Variants in RABGAP1L observed in about 807,000 individuals in gnomAD.
RABGAP1L encodes rab GTPase-activating protein 1-like.
A neutral mutation model predicts 137.7 loss-of-function variants in RABGAP1L; 63 were observed. The ratio of observed to expected loss-of-function variants is 0.46; its 90% CI spans 0.37 to 0.56. The LOEUF is 0.56. Among genes scored for constraint, RABGAP1L ranks in the 20% least tolerant of loss-of-function variants. The probability of loss-of-function intolerance (pLI) is 0.00; values close to 1 mark genes in which losing one functional copy is unlikely to be tolerated. For synonymous variants in RABGAP1L, 431 were observed against 433.7 expected (o/e 0.99, Z 0.08); for missense variants, 1,095 against 1,244.0 (o/e 0.88, Z 1.80).
At chr1:174,783,200 G>A (rs1456748045) in intron 18 of RABGAP1L, among the ~76,000 whole-genome samples, 3 of 152,118 alleles carry the variant, frequency 2.0e-5, no homozygotes, top group Admixed American at 6.5e-5. Flanking sequence ...CTAAAGGCTC[G>A]CCATTGTTCC....
At chr1:174,651,493 G>A (rs1363475276) in intron 14 of RABGAP1L, among the ~76,000 whole-genome samples, 3 of 152,124 alleles carry the variant, frequency 2.0e-5, no homozygotes, top group African/African-American at 7.2e-5. Context: ...GGTCACTCAG[G>A]ACTTGCTTTA....
At chr1:174,333,276 T>G (rs1375241392) in intron 11 of RABGAP1L, among the ~76,000 whole-genome samples, 10 of 152,310 alleles carry the variant, frequency 6.6e-5, no homozygotes, top group Non-Finnish European at 1.5e-5. Context: ...TGTAGCTAAC[T>G]GTAACGCATC....
intron 13 of RABGAP1L, among the ~76,000 whole-genome samples, chr1:174,603,688 C>A (rs1347821376): frequency 6.6e-6 from 1 of 151,990 alleles, no homozygotes; most frequent in Non-Finnish European, 1.5e-5. Context: ...GCCAGCACAG[C>A]ACTAGTTCTC....
At chr1:174,750,882 T>C (rs1439798223) in intron 17 of RABGAP1L, among the ~76,000 whole-genome samples, 3 of 152,184 alleles carry the variant, frequency 2.0e-5, no homozygotes, top group African/African-American at 7.2e-5. Context: ...TAGGTCTTTT[T>C]TATATTGGCC....
intron 11 of RABGAP1L, among the ~76,000 whole-genome samples, chr1:174,349,871 A>G (rs1571343816): frequency 1.0e-5 from 1 of 96,856 alleles, no homozygotes; most frequent in Non-Finnish European, 2.1e-5. Context: ...TGACCCCCCC[A>G]CCTCCCTCCT....
At chr1:174,741,854 A>AC (rs1491544219) in intron 17 of RABGAP1L, among the ~76,000 whole-genome samples, 2 of 93,572 alleles carry the variant, frequency 2.1e-5, no homozygotes, top group African/African-American at 7.9e-5. Flanking sequence ...GCCTATTTCT[A>AC]CAAAAAAAAA....
rs1012787154 is a variant in RABGAP1L, at chr1:174,328,024, T to C, written c.1465+22897T>C. Reference sequence around the variant, plus strand: ...ATATATATATATATATATATATATATACCCAACATCAGAGCACTTAAATAT... The same window carrying C: ...ATATATATATATATATATATATATACACCCAACATCAGAGCACTTAAATAT... On this transcript the variant is annotated intron_variant, in intron 11 of 25. Transcript: ENST00000681986. 1.4e-3 allele frequency among the ~76,000 whole-genome samples: 164 copies of C among 119,492 alleles called. 2 individuals carry two copies. Among genetic ancestry groups the C allele is most frequent in the African/African-American group, 3.6e-3 (119 of 32,736 alleles). The allele number at this position is 119,492 out of a possible 152,430, so 78.4% of individuals were successfully genotyped here. A position where few individuals can be genotyped will look rare whatever the true frequency, so the allele number is the denominator to read the frequency against.
At chr1:174,945,471 A>T (rs1666585111) in intron 19 of RABGAP1L, 1 of 152,234 alleles carries the variant, frequency 6.6e-6, no homozygotes, top group Non-Finnish European at 1.5e-5. Context: ...TGCAAAGAGG[A>T]AAAGAATCAG....
intron 19 of RABGAP1L, among the ~76,000 whole-genome samples, chr1:174,880,374 G>A (rs1653976888): frequency 6.6e-6 from 1 of 151,864 alleles, no homozygotes; most frequent in African/African-American, 2.4e-5. Context: ...ACTCATGCCT[G>A]TAATCTCAAC....
At chr1:174,635,907 C>T (rs1398293115) in intron 13 of RABGAP1L, among the ~76,000 whole-genome samples, 1 of 152,132 alleles carries the variant, frequency 6.6e-6, no homozygotes, top group Non-Finnish European at 1.5e-5. Flanking sequence ...AGAAAAATGG[C>T]ATTCATTAAA....
chr1:174,317,355 C>T (rs1337119362), intron 11 of RABGAP1L, among the ~76,000 whole-genome samples: 1 of 152,070 alleles, frequency 6.6e-6, no homozygotes, highest in Non-Finnish European at 1.5e-5. Flanking sequence ...CTTCAGATAG[C>T]AGGTGATGAA....
intron 19 of RABGAP1L, among the ~76,000 whole-genome samples, chr1:174,871,150 TTTTG>T (rs150911929): frequency 0.043 from 6,465 of 151,928 alleles, 424 homozygotes; most frequent in African/African-American, 0.14. Flanking sequence ...ATGTTGAGTT[TTTTG>T]TTTGTTTGTT....
At chr1:174,547,269 G>A (rs990303594) in intron 13 of RABGAP1L, among the ~76,000 whole-genome samples, 6 of 152,072 alleles carry the variant, frequency 3.9e-5, no homozygotes, top group African/African-American at 7.2e-5. Flanking sequence ...TAGCAGACCA[G>A]TTCTCAGTGA....
intron 19 of RABGAP1L, among the ~76,000 whole-genome samples, chr1:174,938,954 G>A (rs1450268401): frequency 6.6e-6 from 1 of 152,166 alleles, no homozygotes; most frequent in Non-Finnish European, 1.5e-5. Context: ...AATCGTTTAT[G>A]TGTAAACTGC....
At chr1:174,801,878 A>G (rs1302270686) in intron 18 of RABGAP1L, among the ~76,000 whole-genome samples, 1 of 152,210 alleles carries the variant, frequency 6.6e-6, no homozygotes, top group Non-Finnish European at 1.5e-5. Flanking sequence ...AATTCTCTAC[A>G]TCTCTGAGGA....
At chr1:174,668,900 C>T (rs1676975036) in intron 14 of RABGAP1L, among the ~76,000 whole-genome samples, 1 of 152,046 alleles carries the variant, frequency 6.6e-6, no homozygotes, top group African/African-American at 2.4e-5. Flanking sequence ...ATTTGTACGT[C>T]TTCTTTTAAG....
At position 174,665,384 on chromosome 1, in the gene RABGAP1L, CCTTT is replaced by C. The variant is rs368828201; in HGVS notation, c.1825-18125_1825-18122del. On this transcript the variant is annotated intron_variant, in intron 14 of 25. Coordinates refer to ENST00000681986, the MANE Select transcript of RABGAP1L (RefSeq NM_001366446.1). ...TTCCTTCTTCCTTTTCTTTTCCTTTCCTTTCTTTCTTTCTTTTCTTTTCCTTTCT... is the reference window on the plus strand; with the variant it reads ...TTCCTTCTTCCTTTTCTTTTCCTTTCCTTTCTTTCTTTTCTTTTCCTTTCT... Among the ~76,000 whole-genome samples the C allele has an allele frequency of 2.9e-3, 435 of 151,758 alleles. 4 individuals are homozygous for C. The highest frequency in any genetic ancestry group is 9.9e-3 in the African/African-American group (411 of 41,340).
chr1:174,759,307 A>T (rs1188499134), intron 18 of RABGAP1L, among the ~76,000 whole-genome samples: 1 of 147,948 alleles, frequency 6.8e-6, no homozygotes, highest in Non-Finnish European at 1.5e-5. Flanking sequence ...AAAAAAAAGA[A>T]GTTTCAGCCA....
chr1:174,393,568 A>ATGTGTG, intron 12 of RABGAP1L, among the ~76,000 whole-genome samples: 1 of 152,298 alleles, frequency 6.6e-6, no homozygotes, highest in Non-Finnish European at 1.5e-5. Context: ...TGATAGGCCT[A>ATGTGTG]TGATCCGTTT....
Sources: gnomAD v4.1 joint callset for allele counts (sites outside exome capture counted in the v4.1 genomes callset) on GRCh38, gnomAD v4.1.1 for gene constraint, MANE v1.5 for transcripts, NCBI Gene and HGNC (gene_info 2026-07-23, HGNC 2026-07-21) for gene names.